ARHGEF3: variants seen among roughly 807,000 people sequenced by gnomAD.
ARHGEF3 encodes the protein Rho guanine nucleotide exchange factor 3.
Under a neutral mutation model 63.2 loss-of-function variants are expected in ARHGEF3, and 28 were observed. That is an observed-to-expected ratio of 0.44 (90% CI 0.33 to 0.61). The LOEUF is 0.61. Among genes scored for constraint, ARHGEF3 ranks in the 20% least tolerant of loss-of-function variants. ARHGEF3 has a pLI of 0.03. For missense variants in ARHGEF3, 533 were observed against 659.3 expected (o/e 0.81, Z 2.10); for synonymous variants, 266 against 254.2 (o/e 1.05, Z -0.44).
intron 2 of ARHGEF3, chr3:57,035,055 T>C (rs1261258252): frequency 6.7e-7 from 1 of 1,499,510 alleles, no homozygotes; most frequent in Non-Finnish European, 8.9e-7. Flanking sequence ...ATTTTAAAAT[T>C]TTTAATTATT....
rs113820516 is a variant in ARHGEF3 at position 56,760,566 on chromosome 3, C to G, written c.205-5415G>C. Among the ~76,000 whole-genome samples the G allele has an allele frequency of 1.0e-3, 155 of 152,282 alleles. 1 individual carries two copies. The highest frequency in any genetic ancestry group is 3.6e-3 in the African/African-American group (149 of 41,552). On this transcript the variant is annotated intron_variant, in intron 2 of 9. Coordinates refer to ENST00000296315, the MANE Select transcript of ARHGEF3 (RefSeq NM_019555.3). ...TGCGCTTTGCCTACACGTAGCACTT[C>G]TGATATATTCTCTCTGATTCTCACA...
Position 57,010,455 on chromosome 3 carries a change from CA to C in ARHGEF3, c.62+24632del, listed in dbSNP as rs35833729. The stretch of plus-strand genomic sequence containing the variant: ...TGGGTGACAGAACGAGACTCCATCT[CA>C]AAAAAAAAAAAAAAAAAACCCACAG... On this transcript the variant is annotated intron_variant, in intron 2 of 12. Coordinates refer to the ARHGEF3 transcript ENST00000338458. 9.6e-3 allele frequency among the ~76,000 whole-genome samples: 487 copies of C among 50,956 alleles called. 4 individuals carry two copies. Among genetic ancestry groups the C allele is most frequent in the Middle Eastern group, 0.024 (2 of 84 alleles). The allele number at this position is 50,956 out of a possible 152,430, so 33.4% of individuals were successfully genotyped here. A position where few individuals can be genotyped will look rare whatever the true frequency, so the allele number is the denominator to read the frequency against.
At chr3:56,969,246 A>ATATATTCAGG (rs1553794724) in intron 2 of ARHGEF3, among the ~76,000 whole-genome samples, 1 of 148,972 alleles carries the variant, frequency 6.7e-6, no homozygotes, top group Admixed American at 6.9e-5. Flanking sequence ...TACCCTATTC[A>ATATATTCAGG]AAACAATTCC....
intron 1 of ARHGEF3, among the ~76,000 whole-genome samples, chr3:56,792,103 C>CA (rs1553755406): frequency 0.042 from 3,824 of 91,214 alleles, 269 homozygotes; most frequent in South Asian, 0.25. Flanking sequence ...GACTCTGTCT[C>CA]AAAAAAAAAA....
intron 9 of ARHGEF3, chr3:56,731,522 C>T (rs1377765828): frequency 6.6e-6 from 1 of 150,956 alleles, no homozygotes; most frequent in Admixed American, 6.6e-5. Context: ...CAGAGGAAGA[C>T]TCTGTCTCAA....
chr3:56,750,893 C>T (rs1330733751), intron 6 of ARHGEF3, among the ~76,000 whole-genome samples, 163 bp downstream of exon 6: 3 of 151,214 alleles, frequency 2.0e-5, no homozygotes, highest in Admixed American at 2.0e-4. Context: ...TTTAAAGATA[C>T]AAAACTTAAA....
At chr3:57,016,490 G>A (rs1450566028) in intron 2 of ARHGEF3, among the ~76,000 whole-genome samples, 4 of 152,088 alleles carry the variant, frequency 2.6e-5, no homozygotes, top group Admixed American at 6.6e-5. Flanking sequence ...GGAGGATCCA[G>A]AGAGCTGAGA....
chr3:56,944,391 G>T (rs2108434048), intron 3 of ARHGEF3, among the ~76,000 whole-genome samples: 1 of 152,066 alleles, frequency 6.6e-6, no homozygotes, highest in Admixed American at 6.5e-5. Flanking sequence ...AACCCTCATG[G>T]ATGACATTGA....
chr3:57,042,685 TATATATATATATA>T (rs1462950142), intron 1 of ARHGEF3, among the ~76,000 whole-genome samples: 7,388 of 35,262 alleles, frequency 0.21, 1,141 homozygotes, highest in Non-Finnish European at 0.25. Context: ...TATATATATA[TATATATATATATA>T]TATTTTTTTT....
At chr3:57,075,178 T>G (rs1444920727) in intron 1 of ARHGEF3, 3 of 167,230 alleles carry the variant, frequency 1.8e-5, no homozygotes, top group African/African-American at 7.2e-5. Flanking sequence ...CTTCTCTGAC[T>G]GAAGCCAGCT....
At chr3:56,920,862 C>T (rs1466149254) in intron 3 of ARHGEF3, among the ~76,000 whole-genome samples, 2 of 151,966 alleles carry the variant, frequency 1.3e-5, no homozygotes, top group Non-Finnish European at 2.9e-5. Flanking sequence ...ATCATCCTGG[C>T]TAACGTGGTG....
chr3:56,863,185 T>C (rs2040136054), intron 4 of ARHGEF3, among the ~76,000 whole-genome samples: 1 of 152,062 alleles, frequency 6.6e-6, no homozygotes, highest in Non-Finnish European at 1.5e-5. Context: ...TTGCCCAGGC[T>C]GGAGTGCAGT....
intron 3 of ARHGEF3, among the ~76,000 whole-genome samples, chr3:56,908,010 A>G (rs1037491498): frequency 6.6e-6 from 1 of 152,202 alleles, no homozygotes; most frequent in African/African-American, 2.4e-5. Flanking sequence ...GTACCCCTGA[A>G]CTTAAAAGAA....
At chr3:57,037,797 C>T (rs1240794156) in intron 1 of ARHGEF3, among the ~76,000 whole-genome samples, 1 of 152,192 alleles carries the variant, frequency 6.6e-6, no homozygotes, top group African/African-American at 2.4e-5. Flanking sequence ...ATGGTGTGAA[C>T]CCGGGAGGCG....
At chr3:57,014,318 AAC>A (rs1179872052) in intron 2 of ARHGEF3, among the ~76,000 whole-genome samples, 10 of 152,192 alleles carry the variant, frequency 6.6e-5, no homozygotes, top group African/African-American at 2.2e-4. Flanking sequence ...TGAGATCAAG[AAC>A]ACACCGATTC....
chr3:57,015,224 T>C (rs1043228748), intron 2 of ARHGEF3, among the ~76,000 whole-genome samples: 1 of 152,162 alleles, frequency 6.6e-6, no homozygotes, highest in South Asian at 2.1e-4. Context: ...AGACACATGG[T>C]AACACTATAC....
chr3:56,918,881 A>C (rs1442087098), intron 3 of ARHGEF3, among the ~76,000 whole-genome samples: 1 of 152,222 alleles, frequency 6.6e-6, no homozygotes, highest in East Asian at 1.9e-4. Flanking sequence ...CGAACCACAC[A>C]GAAGTATACA....
chr3:56,743,728 A>C (rs200944275), intron 7 of ARHGEF3, among the ~76,000 whole-genome samples: 1 of 152,124 alleles, frequency 6.6e-6, no homozygotes, highest in Admixed American at 6.5e-5. Context: ...CTGATTTTCA[A>C]ATTACCTATG....
intron 1 of ARHGEF3, among the ~76,000 whole-genome samples, chr3:57,040,173 G>T (rs1469474786): frequency 2.6e-5 from 4 of 152,144 alleles, no homozygotes; most frequent in African/African-American, 9.7e-5. Flanking sequence ...ATCCAAGTCT[G>T]TCTACAGAAA....
Sources: gnomAD v4.1 joint callset for allele counts (sites outside exome capture counted in the v4.1 genomes callset) on GRCh38, gnomAD v4.1.1 for gene constraint, MANE v1.5 for transcripts, NCBI Gene and HGNC (gene_info 2026-07-23, HGNC 2026-07-21) for gene names.